SARS1: variants seen among roughly 807,000 people sequenced by gnomAD.
The protein encoded by SARS1 is serine--tRNA ligase, cytoplasmic.
Under a neutral mutation model 63.7 loss-of-function variants are expected in SARS1, and 25 were observed. The ratio of observed to expected loss-of-function variants is 0.39; its 90% CI spans 0.29 to 0.55. SARS1 has a LOEUF of 0.55. Ranked by LOEUF, SARS1 falls within the 20% of genes least tolerant of loss-of-function variation. The probability of loss-of-function intolerance (pLI) is 0.62; values close to 1 mark genes in which losing one functional copy is unlikely to be tolerated. For missense variants in SARS1, 417 were observed against 649.7 expected, an observed-to-expected ratio of 0.64 and a Z score of 3.89; for synonymous variants, 231 against 243.5, an observed-to-expected ratio of 0.95 and a Z score of 0.48.
At chr1:109,229,364 C>T in intron 3 of SARS1, 50 bp from the exon 4 acceptor site, 2 of 1,583,094 alleles carry the variant, frequency 1.3e-6, no homozygotes, top group South Asian at 2.3e-5. Context: ...TATTCCTGTG[C>T]TGTCCTTGCC....
At chr1:109,215,953 C>G (rs1654775280) in intron 1 of SARS1, 14 of 810,162 alleles carry the variant, frequency 1.7e-5, no homozygotes, top group Non-Finnish European at 1.9e-5. Context: ...ATCCGCCTGC[C>G]TCAGCCTCCC....
Position 109,237,262 on chromosome 1 carries a change from C to G in SARS1, c.1276C>G (p.Leu426Val), listed in dbSNP as rs1655331634. 12 of 1,613,348 alleles carry G rather than the reference C, an allele frequency of 7.4e-6. No homozygotes were observed. Among genetic ancestry groups the G allele is most frequent in the Non-Finnish European group, 7.6e-6 (9 of 1,179,820 alleles). Reference protein sequence around the residue: ...MMDKVEFVHMLNATMCATTRT... With the variant: ...MMDKVEFVHMVNATMCATTRT... ...TTCCCAGGTGGAGTTTGTCCATATG[C>G]TCAATGCTACCATGTGCGCCACTAC... The change falls in exon 10 of 11, where the codon CTC (leucine) becomes GTC (valine). Residue 426 changes from leucine to valine, a missense_variant. This residue lies in a region of SARS1 where 15 missense variants were observed against 52.0 expected (regional missense o/e 0.29). Coordinates refer to ENST00000234677, the MANE Select transcript of SARS1 (RefSeq NM_006513.4). This position sits in a 1 kb window ranked among gnomAD's most constrained non-coding sequence, Gnocchi z 4.1.
At chr1:109,233,426 GTAGCAAGGTAGTTTTCCAGGCCTC>G (rs1185992594) in intron 6 of SARS1, among the ~76,000 whole-genome samples, 16 of 151,872 alleles carry the variant, frequency 1.1e-4, no homozygotes, top group Non-Finnish European at 2.2e-4. Context: ...CTACTGCCAG[GTAGCAAGGTAGTTTTCCAGGCCTC>G]TAAACACTGA....
At chr1:109,226,703 C>CATATATATATATATATATAT (rs1338758890) in intron 2 of SARS1, among the ~76,000 whole-genome samples, 1 of 65,044 alleles carries the variant, frequency 1.5e-5, no homozygotes, top group Non-Finnish European at 2.7e-5. Context: ...TATATACACA[C>CATATATATATATATATATAT]ACACACACAC....
chr1:109,232,249 A>T (rs983270620), intron 6 of SARS1, among the ~76,000 whole-genome samples: 1 of 152,188 alleles, frequency 6.6e-6, no homozygotes, highest in Admixed American at 6.5e-5. Context: ...GGTGGCTTCC[A>T]GTTTGTGGCT....
At chr1:109,216,230 C>T in intron 1 of SARS1, 1 of 985,404 alleles carries the variant, frequency 1.0e-6, no homozygotes, top group Non-Finnish European at 1.2e-6. Context: ...ACCAGAGCCA[C>T]ATTAAGAACT....
At chr1:109,231,894 TTCTC>T in intron 6 of SARS1, 108 bp downstream of exon 6, 1 of 961,262 alleles carries the variant, frequency 1.0e-6, no homozygotes. Context: ...GATGGAAACG[TTCTC>T]TCTCTGTGAC....
Position 109,214,108 on chromosome 1 carries a change from C to G in SARS1, c.116C>G (p.Ala39Gly). 6.2e-7 allele frequency: 1 copy of G among 1,613,888 alleles called. No homozygotes were observed. The highest frequency in any genetic ancestry group is 8.5e-7 in the Non-Finnish European group (1 of 1,179,860). The change falls in exon 1 of 11, where the codon GCA becomes GGA. Residue 39 changes from alanine to glycine, a missense_variant. Physicochemically the swap from Ala to Gly is moderately conservative, Grantham distance 60. Around this residue, in one of 3 missense-constraint regions of SARS1, gnomAD observed 359 missense variants for 529.6 expected, o/e 0.68. Transcript: ENST00000234677. The surrounding 1 kb of genome is among the most constrained non-coding windows in gnomAD (Gnocchi z 4.6). ...DPGLVDQLVK[A>G]DSEWRRCRFR... Reference sequence around the variant, plus strand: ...GGACTAGTGGACCAGCTGGTGAAGGCAGACAGCGAGTGGCGACGATGTAAG... The same window carrying G: ...GGACTAGTGGACCAGCTGGTGAAGGGAGACAGCGAGTGGCGACGATGTAAG...
Position 109,229,455 on chromosome 1 carries a change from T to G in SARS1, c.330T>G (p.Ile110Met). ...VSQIKKVRLL[I>M]DEAILKCDAE... Reference sequence around the variant, plus strand: ...AAATCAAAAAAGTCCGACTCCTCATTGATGAAGCCATCCTGAAGTGTGACG... The same window carrying G: ...AAATCAAAAAAGTCCGACTCCTCATGGATGAAGCCATCCTGAAGTGTGACG... The change falls in exon 4 of 11, where the codon ATT (isoleucine) becomes ATG (methionine). Residue 110 changes from isoleucine to methionine, a missense_variant. Coordinates refer to ENST00000234677, the MANE Select transcript of SARS1 (RefSeq NM_006513.4). The G allele has an allele frequency of 6.2e-7, 1 of 1,614,160 alleles. No individual in the cohort carries two copies. Among genetic ancestry groups the G allele is most frequent in the Non-Finnish European group, 8.5e-7 (1 of 1,180,026 alleles).
intron 1 of SARS1, among the ~76,000 whole-genome samples, chr1:109,221,989 TATATATATATATATATATATA>T (rs1453017545): frequency 5.8e-4 from 7 of 12,128 alleles, no homozygotes; most frequent in African/African-American, 2.0e-3. Flanking sequence ...TATATATATA[TATATATATATATATATATATA>T]TTTTTTTTTT....
intron 1 of SARS1, among the ~76,000 whole-genome samples, chr1:109,218,336 C>T (rs1028596395): frequency 2.0e-5 from 3 of 147,076 alleles, no homozygotes; most frequent in African/African-American, 7.5e-5. Flanking sequence ...CATTGCACTC[C>T]AGCCTGGGGG....
chr1:109,223,905 G>A (rs1350466335), intron 1 of SARS1, 73 bp from the exon 2 acceptor site: 3 of 1,143,138 alleles, frequency 2.6e-6, no homozygotes, highest in Non-Finnish European at 4.0e-6. Flanking sequence ...GTACTAAGAA[G>A]TCAAGATCAG....
At position 109,236,121 on chromosome 1, in the gene SARS1, C is replaced by T. The variant is rs1397072410; in HGVS notation, c.1099+15C>T. 1.9e-6 allele frequency: 3 copies of T among 1,605,522 alleles called. No individual in the cohort carries two copies. Among genetic ancestry groups the T allele is most frequent in the South Asian group, 2.2e-5 (2 of 89,642 alleles). On this transcript the variant is annotated intron_variant, in intron 8 of 10. Coordinates refer to ENST00000234677, the MANE Select transcript of SARS1 (RefSeq NM_006513.4). ...TATTGTCTCAGGTATGGGACCCAGC[C>T]TCTTCTCAGCCTCCCTTTCCTGTAA...
intron 2 of SARS1, among the ~76,000 whole-genome samples, chr1:109,226,663 TAAAAAA>T (rs66652692): frequency 1.8e-5 from 1 of 55,536 alleles, no homozygotes; most frequent in African/African-American, 7.4e-5. Context: ...CTGGCTAATT[TAAAAAA>T]AAAAAAAAAT....
intron 6 of SARS1, among the ~76,000 whole-genome samples, chr1:109,232,531 G>A (rs763165653): frequency 1.3e-5 from 2 of 152,180 alleles, no homozygotes; most frequent in Non-Finnish European, 2.9e-5. Context: ...TTAGACAACT[G>A]CTGTTGGACT....
intron 2 of SARS1, among the ~76,000 whole-genome samples, chr1:109,226,995 CTTTTT>C (rs562155510): frequency 7.6e-6 from 1 of 131,246 alleles, no homozygotes; most frequent in Non-Finnish European, 1.6e-5. Context: ...TTCTTTAACT[CTTTTT>C]TTTTTTTTTT....
rs376132684 is a variant in SARS1, at chr1:109,224,016, C to G, written c.175C>G (p.Leu59Val). The G allele has an allele frequency of 2.7e-5, 43 of 1,613,498 alleles. No homozygotes were observed. The highest frequency in any genetic ancestry group is 3.3e-5 in the Non-Finnish European group (39 of 1,179,640). The change falls in exon 2 of 11, where the codon CTA becomes GTA. Residue 59 changes from leucine to valine, a missense_variant. Coordinates refer to ENST00000234677, the MANE Select transcript of SARS1 (RefSeq NM_006513.4). ...RADNLNKLKNLCSKTIGEKMK... is the reference protein window; with the variant it reads ...RADNLNKLKNVCSKTIGEKMK... Reference sequence around the variant, plus strand: ...AGACAACTTGAACAAGCTGAAGAACCTATGCAGCAAGACAATCGGAGAGAA... The same window carrying G: ...AGACAACTTGAACAAGCTGAAGAACGTATGCAGCAAGACAATCGGAGAGAA...
rs113495525 is a variant in SARS1 at position 109,222,115 on chromosome 1, C to T, written c.137-1863C>T. ...CTGGGCTCAAGCGACCCACCCACTT[C>T]AGCCTCCCAAAGTGCTGGAATTACA... On this transcript the variant is annotated intron_variant, in intron 1 of 10. Coordinates refer to ENST00000234677, the MANE Select transcript of SARS1 (RefSeq NM_006513.4). 1.8e-3 allele frequency among the ~76,000 whole-genome samples: 256 copies of T among 141,822 alleles called. 1 individual carries two copies. The highest frequency in any genetic ancestry group is 6.2e-3 in the African/African-American group (239 of 38,586). The allele number at this position is 141,822 out of a possible 152,430, so 93.0% of individuals were successfully genotyped here.
At position 109,235,080 on chromosome 1, in the gene SARS1, C is replaced by G. The variant is rs1294634280; in HGVS notation, c.748-130C>G. Reference sequence around the variant, plus strand: ...CATTCCTTTATCTTTTTAGTATTCTCTCCCCACTCCCAGGCAGGGATTAAA... The same window carrying G: ...CATTCCTTTATCTTTTTAGTATTCTGTCCCCACTCCCAGGCAGGGATTAAA... On this transcript the variant is annotated intron_variant, in intron 6 of 10. Coordinates refer to ENST00000234677, the MANE Select transcript of SARS1 (RefSeq NM_006513.4). The surrounding 1 kb of genome is among the most constrained non-coding windows in gnomAD (Gnocchi z 4.7). 1 of 712,660 alleles carries G rather than the reference C, an allele frequency of 1.4e-6. No individual in the cohort carries two copies. Among genetic ancestry groups the G allele is most frequent in the African/African-American group, 1.7e-5 (1 of 57,398 alleles). The allele number at this position is 712,660 out of a possible 1,614,324, so 44.1% of individuals were successfully genotyped here.
Sources: allele counts gnomAD v4.1 joint callset (sites outside exome capture counted in the v4.1 genomes callset), GRCh38; gene constraint gnomAD v4.1.1; regional missense constraint gnomAD v4.1.1; non-coding constraint Gnocchi (gnomAD v3.1); transcripts MANE v1.5; gene names NCBI Gene and HGNC (gene_info 2026-07-23, HGNC 2026-07-21).